Variants in FBXL17 observed in about 807,000 individuals in gnomAD.
FBXL17 encodes the protein F-box and leucine rich repeat protein 17.
In FBXL17, 22 loss-of-function variants were observed where a neutral mutation model predicts 66.2. The ratio of observed to expected loss-of-function variants is 0.33; its 90% CI spans 0.24 to 0.47. The LOEUF is 0.47. Among genes scored for constraint, FBXL17 ranks in the 20% least tolerant of loss-of-function variants. The probability of loss-of-function intolerance (pLI) is 1.00; values close to 1 mark genes in which losing one functional copy is unlikely to be tolerated. For missense variants in FBXL17, 878 were observed against 948.2 expected, an observed-to-expected ratio of 0.93 and a Z score of 0.97; for synonymous variants, 474 against 400.5, an observed-to-expected ratio of 1.18 and a Z score of -2.19.
intron 4 of FBXL17, among the ~76,000 whole-genome samples, chr5:108,309,969 G>C (rs1383707327): frequency 6.6e-6 from 1 of 152,120 alleles, no homozygotes; most frequent in Non-Finnish European, 1.5e-5. Context: ...AATTATGTTA[G>C]ATGGCTAAAA....
intron 7 of FBXL17, among the ~76,000 whole-genome samples, chr5:107,983,019 T>C (rs564259762): frequency 3.4e-3 from 524 of 152,246 alleles, no homozygotes; most frequent in African/African-American, 0.01. Context: ...CCTTTTTTTT[T>C]CCCTGGTTTT....
intron 6 of FBXL17, among the ~76,000 whole-genome samples, chr5:108,167,084 T>C (rs1752441854): frequency 6.6e-6 from 1 of 152,172 alleles, no homozygotes; most frequent in Admixed American, 6.5e-5. Flanking sequence ...TAAATCTCTA[T>C]TATGAATTTG....
chr5:107,941,148 G>A (rs1311964850), intron 7 of FBXL17, among the ~76,000 whole-genome samples: 1 of 151,084 alleles, frequency 6.6e-6, no homozygotes, highest in Admixed American at 6.6e-5. Context: ...ACTTTTTTCT[G>A]CGATTACATT....
intron 4 of FBXL17, among the ~76,000 whole-genome samples, chr5:108,314,402 A>C (rs951399822): frequency 6.6e-6 from 1 of 151,686 alleles, no homozygotes; most frequent in African/African-American, 2.4e-5. Context: ...GTGAAAACAT[A>C]AAATTCCTAA....
At chr5:108,016,782 C>CTTTTT (rs372887324) in intron 7 of FBXL17, among the ~76,000 whole-genome samples, 1 of 146,458 alleles carries the variant, frequency 6.8e-6, no homozygotes, top group Admixed American at 7.0e-5. Flanking sequence ...TTCTTTCTTT[C>CTTTTT]TTTCTTTTTT....
At chr5:108,364,583 G>C (rs1336781033) in intron 3 of FBXL17, among the ~76,000 whole-genome samples, 155 bp downstream of exon 3, 2 of 151,914 alleles carry the variant, frequency 1.3e-5, no homozygotes, top group African/African-American at 4.8e-5. Context: ...TGGCACTCTA[G>C]TTAACTAATC....
At chr5:108,084,096 A>C (rs1748879070) in intron 6 of FBXL17, among the ~76,000 whole-genome samples, 1 of 152,212 alleles carries the variant, frequency 6.6e-6, no homozygotes, top group Non-Finnish European at 1.5e-5. Context: ...TGTTATCAGT[A>C]AAAACTAACA....
chr5:108,217,322 T>A (rs953414743), intron 5 of FBXL17, among the ~76,000 whole-genome samples: 1 of 152,150 alleles, frequency 6.6e-6, no homozygotes, highest in African/African-American at 2.4e-5. Flanking sequence ...CCCAGCATTA[T>A]CTCAGACAAC....
At chr5:108,287,169 T>C (rs1433457694) in intron 4 of FBXL17, among the ~76,000 whole-genome samples, 2 of 151,836 alleles carry the variant, frequency 1.3e-5, no homozygotes, top group African/African-American at 2.4e-5. Flanking sequence ...TATAAAAATA[T>C]TGAAAGATAA....
chr5:107,951,045 T>C (rs1580238307), intron 7 of FBXL17, among the ~76,000 whole-genome samples: 1 of 152,180 alleles, frequency 6.6e-6, no homozygotes, highest in East Asian at 1.9e-4. Context: ...AGGCACACAC[T>C]AGAAAGGCTG....
intron 6 of FBXL17, among the ~76,000 whole-genome samples, chr5:108,066,014 G>A (rs1465930102): frequency 1.3e-5 from 2 of 152,050 alleles, no homozygotes; most frequent in Non-Finnish European, 2.9e-5. Context: ...GACTATCGAA[G>A]GTTAGGTTTA....
At chr5:108,077,705 C>T (rs888965490) in intron 6 of FBXL17, among the ~76,000 whole-genome samples, 2 of 151,888 alleles carry the variant, frequency 1.3e-5, no homozygotes, top group Non-Finnish European at 1.5e-5. Flanking sequence ...ATAGTATACC[C>T]ATTTTTGGAT....
chr5:108,112,324 C>CA (rs1480772458), intron 6 of FBXL17, among the ~76,000 whole-genome samples: 3 of 152,158 alleles, frequency 2.0e-5, no homozygotes, highest in Non-Finnish European at 4.4e-5. Context: ...TTGATACTTC[C>CA]ATGAGCTTGG....
chr5:108,151,942 C>T (rs1047977997), intron 6 of FBXL17, among the ~76,000 whole-genome samples: 3 of 152,184 alleles, frequency 2.0e-5, no homozygotes, highest in African/African-American at 7.2e-5. Flanking sequence ...CCTAAATGGT[C>T]AGCAGAAATC....
intron 6 of FBXL17, among the ~76,000 whole-genome samples, chr5:108,033,905 C>T (rs920768491): frequency 1.3e-5 from 2 of 152,046 alleles, no homozygotes; most frequent in Non-Finnish European, 2.9e-5. Flanking sequence ...CAAAAAGTAA[C>T]TAGAAATTGG....
At chr5:107,948,343 C>T (rs538483070) in intron 7 of FBXL17, among the ~76,000 whole-genome samples, 3 of 152,254 alleles carry the variant, frequency 2.0e-5, no homozygotes, top group Admixed American at 6.5e-5. Context: ...AATTCAGCAT[C>T]GTGTGACTGA....
rs544634528 is a variant in FBXL17, at chr5:108,247,674, A to T, written c.1507-23446T>A. On this transcript the variant is annotated intron_variant, in intron 4 of 8. Transcript: ENST00000542267. Reference sequence around the variant, plus strand: ...TTGTGATATTTAAAGTTTATTTTTTAAAGTTTTGAGGATATTTTAATTTTT... The same window carrying T: ...TTGTGATATTTAAAGTTTATTTTTTTAAGTTTTGAGGATATTTTAATTTTT... Among the ~76,000 whole-genome samples the T allele has an allele frequency of 2.4e-4, 36 of 152,286 alleles. 1 individual carries two copies. The South Asian group carries it at 6.6e-3, about 28-fold the overall frequency.
intron 7 of FBXL17, among the ~76,000 whole-genome samples, chr5:107,977,289 T>C (rs559072584): frequency 6.6e-6 from 1 of 152,332 alleles, no homozygotes; most frequent in South Asian, 2.1e-4. Flanking sequence ...TCATTTATTT[T>C]CTTTGTAATT....
chr5:108,021,620 A>C (rs1457658782), intron 6 of FBXL17, among the ~76,000 whole-genome samples: 1 of 151,744 alleles, frequency 6.6e-6, no homozygotes, highest in Non-Finnish European at 1.5e-5. Context: ...ACAGATATGT[A>C]AGACTGTCTT....
Sources: allele counts gnomAD v4.1 joint callset (sites outside exome capture counted in the v4.1 genomes callset), GRCh38; gene constraint gnomAD v4.1.1; transcripts MANE v1.5; gene names NCBI Gene and HGNC (gene_info 2026-07-23, HGNC 2026-07-21).